The following CEBPZOS variants were observed in gnomAD, a reference collection of about 807,000 sequenced individuals.
The protein encoded by CEBPZOS is protein CEBPZOS.
Under a neutral mutation model 4.8 loss-of-function variants are expected in CEBPZOS, and 10 were observed. That is an observed-to-expected ratio of 2.07 (90% CI 1.28 to 3.52). CEBPZOS has a LOEUF of 3.52. CEBPZOS is among the 30% of genes most tolerant of loss of function. CEBPZOS has a pLI of 0.00. For synonymous variants in CEBPZOS, 25 were observed against 14.2 expected (o/e 1.77, Z -1.72); for missense variants, 98 against 43.6 (o/e 2.25, Z -3.51).
At chr2:37,206,188 G>A (rs967573353), downstream of CEBPZOS, among the ~76,000 whole-genome samples, 2 of 152,186 alleles carry the variant, frequency 1.3e-5, no homozygotes, top group Non-Finnish European at 2.9e-5. Context: ...CAGGACTAAC[G>A]TGCAGCTCCC....
At chr2:37,209,962 G>A (rs1677666837) in intron 4 of CEBPZOS, 1 of 152,144 alleles carries the variant, frequency 6.6e-6, no homozygotes, top group South Asian at 2.1e-4. Flanking sequence ...CAAAAAGTGT[G>A]TTAAGGATAT....
Position 37,202,581 on chromosome 2 carries a change from G to T in CEBPZOS, c.*721G>T, listed in dbSNP as rs775067145. 16 of 388,036 alleles carry T rather than the reference G, an allele frequency of 4.1e-5. No individual in the cohort carries two copies. The highest frequency in any genetic ancestry group is 6.3e-5 in the Non-Finnish European group (14 of 220,830). 24.0% of individuals were successfully genotyped at this position (388,036 alleles called of 1,614,324 possible). ...AATTACTTGAACATGGGAGATGGAG[G>T]TTGCAGTGAGCCAAGATCATGCCAC... is the stretch of plus-strand genomic sequence containing the variant. On this transcript the variant is annotated 3_prime_UTR_variant, in exon 5 of 5. Coordinates refer to ENST00000402297, the MANE Select transcript of CEBPZOS (RefSeq NM_001322374.2).
downstream of CEBPZOS, among the ~76,000 whole-genome samples, chr2:37,215,796 T>C (rs969749732): frequency 6.6e-6 from 1 of 152,170 alleles, no homozygotes; most frequent in Admixed American, 6.5e-5. Flanking sequence ...TGGTCTGAAT[T>C]GTAAGCAATA....
At chr2:37,199,519 A>G (rs1442299904) in intron 1 of CEBPZOS, among the ~76,000 whole-genome samples, 185 bp from the exon 2 acceptor site, 1 of 152,164 alleles carries the variant, frequency 6.6e-6, no homozygotes, top group Non-Finnish European at 1.5e-5. Flanking sequence ...CATGCCCCTC[A>G]GGCATGGAGT....
chr2:37,205,915 G>T (rs2148338865), downstream of CEBPZOS, among the ~76,000 whole-genome samples: 1 of 152,300 alleles, frequency 6.6e-6, no homozygotes, highest in South Asian at 2.1e-4. Flanking sequence ...AAGGAGCATG[G>T]ATTATTGCAA....
At chr2:37,214,512 A>C (rs888539065), downstream of CEBPZOS, among the ~76,000 whole-genome samples, 2 of 152,156 alleles carry the variant, frequency 1.3e-5, no homozygotes, top group South Asian at 4.1e-4. Flanking sequence ...GCCTATAAAG[A>C]AAATTATTAT....
chr2:37,207,554 T>A (rs142018279), downstream of CEBPZOS, among the ~76,000 whole-genome samples: 1 of 152,190 alleles, frequency 6.6e-6, no homozygotes, highest in Non-Finnish European at 1.5e-5. Context: ...TCTTGAATGA[T>A]CTTTGTGTCA....
chr2:37,200,661 G>GA (rs59736571), intron 2 of CEBPZOS, among the ~76,000 whole-genome samples: 25 of 147,584 alleles, frequency 1.7e-4, no homozygotes, highest in Non-Finnish European at 2.6e-4. Context: ...TGTATCTTAA[G>GA]AAAAAAAAAA....
exon 5 of CEBPZOS, chr2:37,213,708 C>CCAGCCATTTT (rs1677797199): frequency 1.8e-6 from 1 of 563,422 alleles, no homozygotes; most frequent in Admixed American, 3.6e-5. Context: ...GCCACAGCGC[C>CCAGCCATTTT]TGGCCCCAAA....
intron 4 of CEBPZOS, chr2:37,210,716 AG>A: frequency 3.4e-6 from 1 of 297,146 alleles, no homozygotes. Context: ...TCACTACTAA[AG>A]AACTTACCTA....
intron 4 of CEBPZOS, chr2:37,212,401 C>G (rs1677750984): frequency 6.2e-7 from 1 of 1,610,340 alleles, no homozygotes; most frequent in South Asian, 1.1e-5. Flanking sequence ...GTCTGCCAGA[C>G]AATACAGAAA....
intron 4 of CEBPZOS, chr2:37,212,357 T>C: frequency 1.2e-6 from 2 of 1,613,636 alleles, no homozygotes; most frequent in Non-Finnish European, 1.7e-6. Context: ...ATATCATCCT[T>C]TCCAGAGCTG....
chr2:37,201,903 C>A lies in CEBPZOS; in HGVS notation c.*43C>A, dbSNP rs1176833744. ...AGCCTCCCATCTAAGCTGTTTGAGA[C>A]CTTTGAGAGAAGAAGAAAAGATGAG... On this transcript the variant is annotated 3_prime_UTR_variant, in exon 5 of 5. Coordinates refer to ENST00000402297, the MANE Select transcript of CEBPZOS (RefSeq NM_001322374.2). 1 of 1,611,602 alleles carries A rather than the reference C, an allele frequency of 6.2e-7. No homozygotes were observed. Among genetic ancestry groups the A allele is most frequent in the East Asian group, 2.2e-5 (1 of 44,820 alleles).
chr2:37,214,660 TAACA>T (rs1324865735), downstream of CEBPZOS, among the ~76,000 whole-genome samples: 2 of 152,196 alleles, frequency 1.3e-5, no homozygotes, highest in Non-Finnish European at 2.9e-5. Context: ...TAAATTTTCT[TAACA>T]AACACAGACA....
At chr2:37,197,622 A>C (rs1468552865) in intron 1 of CEBPZOS, among the ~76,000 whole-genome samples, 1 of 152,218 alleles carries the variant, frequency 6.6e-6, no homozygotes, top group African/African-American at 2.4e-5. Flanking sequence ...CTGTAATACC[A>C]GCACTTTGGG....
chr2:37,210,892 A>T, intron 4 of CEBPZOS: 2 of 477,552 alleles, frequency 4.2e-6, no homozygotes, highest in African/African-American at 2.0e-5. Flanking sequence ...AACCCCCCCC[A>T]CCCCTGAATT....
downstream of CEBPZOS, among the ~76,000 whole-genome samples, chr2:37,208,008 C>A (rs2148342477): frequency 6.6e-6 from 1 of 152,140 alleles, no homozygotes; most frequent in African/African-American, 2.4e-5. Flanking sequence ...TCATTCAAGG[C>A]TACTATGAAC....
At chr2:37,205,602 C>G (rs1677509978), downstream of CEBPZOS, among the ~76,000 whole-genome samples, 1 of 152,204 alleles carries the variant, frequency 6.6e-6, no homozygotes, top group East Asian at 1.9e-4. Flanking sequence ...CATGCAAAGC[C>G]TGTTTGGTGG....
chr2:37,196,767 C>G (rs866725452), intron 1 of CEBPZOS: 3 of 152,294 alleles, frequency 2.0e-5, no homozygotes, highest in African/African-American at 7.2e-5. Context: ...GCCTAGCGTT[C>G]CGCGGGCTAG....
Sources: gnomAD v4.1 joint callset for allele counts (sites outside exome capture counted in the v4.1 genomes callset) on GRCh38, gnomAD v4.1.1 for gene constraint, MANE v1.5 for transcripts, NCBI Gene and HGNC (gene_info 2026-07-23, HGNC 2026-07-21) for gene names.